Variants in MAP4K3 observed in about 807,000 individuals in gnomAD.
MAP4K3 encodes the protein mitogen-activated protein kinase kinase kinase kinase 3, also known as MAPK/ERK kinase kinase kinase 3.
In MAP4K3, 94 loss-of-function variants were observed where a neutral mutation model predicts 143.5. The observed-to-expected ratio is 0.65, with a 90% CI of 0.55 to 0.78. The LOEUF is 0.78. Among genes scored for constraint, MAP4K3 ranks in the 30% least tolerant of loss-of-function variants. The pLI is 0.00. For synonymous variants in MAP4K3, 416 were observed against 347.2 expected, an observed-to-expected ratio of 1.20 and a Z score of -2.20; for missense variants, 1,077 against 1,068.1, an observed-to-expected ratio of 1.01 and a Z score of -0.12.
chr2:39,323,938 G>T (rs1683403746), intron 12 of MAP4K3: 1 of 152,080 alleles, frequency 6.6e-6, no homozygotes. Context: ...TAAAAGTCAT[G>T]AAACAATTAT....
At position 39,292,817 on chromosome 2, in the gene MAP4K3, G is replaced by A. The variant is rs746173800; in HGVS notation, c.1227C>T (p.Val409=). The change falls in exon 18 of 34, where the codon GTC becomes GTT. Residue 409 remains valine (V), a synonymous_variant. Transcript: ENST00000263881. ...CTCCTTCATCATCTTCTAAATGTGCGACGTGTCCTCTAAATAAAAAGGATA... is the reference window on the plus strand; with the variant it reads ...CTCCTTCATCATCTTCTAAATGTGCAACGTGTCCTCTAAATAAAAAGGATA... ...VEEELHQRGH[V]AHLEDDEGDD... 1.7e-5 allele frequency: 28 copies of A among 1,611,810 alleles called. 1 individual carries two copies. Among genetic ancestry groups the A allele is most frequent in the African/African-American group, 9.4e-5 (7 of 74,828 alleles).
intron 1 of MAP4K3, among the ~76,000 whole-genome samples, chr2:39,411,951 T>C (rs529202075): frequency 1.3e-5 from 2 of 152,342 alleles, no homozygotes; most frequent in South Asian, 2.1e-4. Context: ...TATTATTTCA[T>C]TTTAACTTTC....
chr2:39,370,156 G>A (rs1378485422), intron 2 of MAP4K3, among the ~76,000 whole-genome samples: 2 of 152,158 alleles, frequency 1.3e-5, no homozygotes, highest in Non-Finnish European at 2.9e-5. Flanking sequence ...TTTGTCAGTT[G>A]CTTTTTTATT....
intron 16 of MAP4K3, among the ~76,000 whole-genome samples, chr2:39,298,757 G>T (rs1682388176): frequency 6.6e-6 from 1 of 152,114 alleles, no homozygotes; most frequent in Admixed American, 6.5e-5. Flanking sequence ...CTTGAGGCCA[G>T]GAGTTCGAGA....
chr2:39,271,693 C>G (rs1215083546), intron 26 of MAP4K3, among the ~76,000 whole-genome samples: 1 of 152,180 alleles, frequency 6.6e-6, no homozygotes, highest in South Asian at 2.1e-4. Context: ...CAGGGCTCCA[C>G]TGATCCTCCC....
At chr2:39,327,120 T>C (rs1003730529) in intron 8 of MAP4K3, among the ~76,000 whole-genome samples, 2 of 152,164 alleles carry the variant, frequency 1.3e-5, no homozygotes, top group Admixed American at 6.5e-5. Flanking sequence ...ACATGCAAAA[T>C]TCAATAAATA....
intron 16 of MAP4K3, 28 bp from the exon 17 acceptor site, chr2:39,293,296 T>A: frequency 1.5e-6 from 2 of 1,319,404 alleles, no homozygotes; most frequent in Non-Finnish European, 2.1e-6. Context: ...AAACAAAAAA[T>A]AATGTGAATA....
In MAP4K3 at chr2:39,407,497, A is replaced by G. The variant is rs553818834; in HGVS notation, c.97-29374T>C. Reference sequence around the variant, plus strand: ...AGAGGCAGCAGAGGAGCTCCCAGACACCATTAAGAAAATCATTCAGGAGAA... The same window carrying G: ...AGAGGCAGCAGAGGAGCTCCCAGACGCCATTAAGAAAATCATTCAGGAGAA... On this transcript the variant is annotated intron_variant, in intron 1 of 33. Transcript: ENST00000263881. 3.5e-4 allele frequency among the ~76,000 whole-genome samples: 53 copies of G among 152,308 alleles called. 1 individual carries two copies. The East Asian group carries it at 8.3e-3, about 24-fold the overall frequency.
chr2:39,343,264 C>T, intron 4 of MAP4K3, 124 bp downstream of exon 4: 1 of 587,578 alleles, frequency 1.7e-6, no homozygotes, highest in Non-Finnish European at 2.9e-6. Context: ...TTTATATAGC[C>T]AAACAATATA....
chr2:39,334,401 G>A (rs1486826151), intron 6 of MAP4K3, among the ~76,000 whole-genome samples: 2 of 151,276 alleles, frequency 1.3e-5, no homozygotes, highest in African/African-American at 4.8e-5. Flanking sequence ...ACCAACATGA[G>A]GAAAAAACAG....
At chr2:39,352,938 A>G (rs911062656) in intron 3 of MAP4K3, among the ~76,000 whole-genome samples, 38 of 152,242 alleles carry the variant, frequency 2.5e-4, no homozygotes, top group Non-Finnish European at 5.9e-5. Flanking sequence ...TGCAATGAAC[A>G]GTATATATTT....
At chr2:39,363,728 T>C (rs1315842926) in intron 2 of MAP4K3, among the ~76,000 whole-genome samples, 1 of 150,704 alleles carries the variant, frequency 6.6e-6, no homozygotes, top group African/African-American at 2.4e-5. Context: ...ATGAAATAGC[T>C]TGATTTGATC....
At chr2:39,368,656 G>A (rs1665991623) in intron 2 of MAP4K3, among the ~76,000 whole-genome samples, 1 of 151,580 alleles carries the variant, frequency 6.6e-6, no homozygotes, top group African/African-American at 2.4e-5. Flanking sequence ...GTGACAGGGT[G>A]AGATCCTGTC....
chr2:39,428,705 T>A (rs922315209), intron 1 of MAP4K3, among the ~76,000 whole-genome samples: 2 of 151,914 alleles, frequency 1.3e-5, no homozygotes, highest in African/African-American at 4.8e-5. Flanking sequence ...TTTGGATACA[T>A]AGAAAAAATG....
chr2:39,431,652 G>A (rs1558354976), intron 1 of MAP4K3, among the ~76,000 whole-genome samples: 1 of 152,182 alleles, frequency 6.6e-6, no homozygotes, highest in Non-Finnish European at 1.5e-5. Context: ...GGCAGAGACA[G>A]CAAGCTAAAA....
intron 2 of MAP4K3, among the ~76,000 whole-genome samples, chr2:39,376,126 C>A (rs577566158): frequency 6.6e-6 from 1 of 152,134 alleles, no homozygotes; most frequent in Non-Finnish European, 1.5e-5. Flanking sequence ...AAGGAAGTGA[C>A]AAACTGTTTT....
chr2:39,337,008 A>G lies in MAP4K3; in HGVS notation c.367-41T>C, dbSNP rs775473597. On this transcript the variant is annotated intron_variant, in intron 5 of 33. Transcript: ENST00000263881. ...ACAGAAAAATAAACAAGATTTTATC[A>G]AAGAGCACTCTTTTGGATTTTATGT... 7.9e-6 allele frequency: 8 copies of G among 1,017,298 alleles called. No homozygotes were observed. The Admixed American group carries it at 1.1e-4, about 15-fold the overall frequency. The allele number at this position is 1,017,298 out of a possible 1,614,324, so 63.0% of individuals were successfully genotyped here. A position where few individuals can be genotyped will look rare whatever the true frequency, so the allele number is the denominator to read the frequency against.
intron 31 of MAP4K3, among the ~76,000 whole-genome samples, chr2:39,255,454 G>C (rs1305957949): frequency 2.6e-5 from 4 of 152,040 alleles, no homozygotes; most frequent in African/African-American, 9.7e-5. Context: ...ATCATTTGTT[G>C]AATGGCCCAT....
At chr2:39,273,646 A>G (rs1379938893) in intron 24 of MAP4K3, among the ~76,000 whole-genome samples, 1 of 152,236 alleles carries the variant, frequency 6.6e-6, no homozygotes, top group Admixed American at 6.5e-5. Flanking sequence ...AATAAAAGGG[A>G]GGAGAAACAA....
Sources: gnomAD v4.1 joint callset for allele counts (sites outside exome capture counted in the v4.1 genomes callset) on GRCh38, gnomAD v4.1.1 for gene constraint, MANE v1.5 for transcripts, NCBI Gene and HGNC (gene_info 2026-07-23, HGNC 2026-07-21) for gene names.